SFPQ: variants seen among roughly 807,000 people sequenced by gnomAD.
SFPQ encodes the protein splicing factor, proline- and glutamine-rich.
A neutral mutation model predicts 72.9 loss-of-function variants in SFPQ; 11 were observed. The ratio of observed to expected loss-of-function variants is 0.15; its 90% CI spans 0.09 to 0.25. SFPQ has a LOEUF of 0.25. Among genes scored for constraint, SFPQ ranks in the 10% least tolerant of loss-of-function variants. The pLI is 1.00. For missense variants in SFPQ, 847 were observed against 993.3 expected, an observed-to-expected ratio of 0.85 and a Z score of 1.98; for synonymous variants, 506 against 367.3, an observed-to-expected ratio of 1.38 and a Z score of -4.32.
chr1:35,181,482 G>C (rs1180854609), downstream of SFPQ: 1 of 1,063,498 alleles, frequency 9.4e-7, no homozygotes, highest in African/African-American at 1.6e-5. Flanking sequence ...GAGTGGTGGG[G>C]TTTGTAGTAC....
In SFPQ at chr1:35,185,310, A is replaced by G. The variant is rs191809673; in HGVS notation, c.1987-717T>C. The stretch of plus-strand genomic sequence containing the variant: ...ACAATTACGTTCTCAGTACTATTCT[A>G]TATTGTTGCAAACTAAATGAACAAA... On this transcript the variant is annotated intron_variant, in intron 9 of 9. Transcript: ENST00000357214. Among the ~76,000 whole-genome samples the G allele has an allele frequency of 5.2e-4, 79 of 152,320 alleles. 3 individuals are homozygous for G. The highest frequency in any genetic ancestry group is 4.3e-3 in the Admixed American group (66 of 15,286).
At chr1:35,182,276 G>A, downstream of SFPQ, 1 of 985,146 alleles carries the variant, frequency 1.0e-6, no homozygotes, top group African/African-American at 1.7e-5. Flanking sequence ...AAACTGTAAT[G>A]GATTCCTTTC....
Position 35,183,988 on chromosome 1 carries a change from A to C in SFPQ, c.*468T>G. On this transcript the variant is annotated 3_prime_UTR_variant, in exon 10 of 10. Transcript: ENST00000357214. ...AGGGGGCAATTATTTGTAGAAAGCAATACTTAGCCTCCAGATGCATTTCCC... is the reference window on the plus strand; with the variant it reads ...AGGGGGCAATTATTTGTAGAAAGCACTACTTAGCCTCCAGATGCATTTCCC... 9.5e-7 allele frequency: 1 copy of C among 1,055,970 alleles called. No individual in the cohort carries two copies. Among genetic ancestry groups the C allele is most frequent in the Non-Finnish European group, 1.1e-6 (1 of 873,310 alleles). The allele number at this position is 1,055,970 out of a possible 1,614,324, so 65.4% of individuals were successfully genotyped here. A position where few individuals can be genotyped will look rare whatever the true frequency, so the allele number is the denominator to read the frequency against.
downstream of SFPQ, chr1:35,181,621 AG>A: frequency 9.4e-7 from 1 of 1,060,402 alleles, no homozygotes; most frequent in African/African-American, 1.6e-5. Context: ...AAAGATTAGG[AG>A]AAGTATAAAA....
Position 35,193,115 on chromosome 1 carries a change from T to G in SFPQ, c.-66A>C. 7 of 1,488,958 alleles carry G rather than the reference T, an allele frequency of 4.7e-6. No individual in the cohort carries two copies. The highest frequency in any genetic ancestry group is 6.2e-6 in the Non-Finnish European group (7 of 1,127,580). 92.2% of individuals were successfully genotyped at this position (1,488,958 alleles called of 1,614,324 possible). On this transcript the variant is annotated 5_prime_UTR_variant, in exon 1 of 10. Transcript: ENST00000357214. ...CGCTCAGGAAACGTGGAGGCCACCTTGCTTCTCACAAAATGGCGGATGACA... is the reference window on the plus strand; with the variant it reads ...CGCTCAGGAAACGTGGAGGCCACCTGGCTTCTCACAAAATGGCGGATGACA...
At position 35,192,578 on chromosome 1, in the gene SFPQ, T is replaced by G. The variant is rs1478458969; in HGVS notation, c.472A>C (p.Thr158Pro). Residue 158 changes from threonine (T) to proline (P), a missense_variant, in exon 1 of 10, where the codon ACC becomes CCC. Transcript: ENST00000357214. ...GGCGGCGCCCCGGGAGGGGCCGAGG[T>G]GACTGCAGGCGGCGGGGTCGGAGTC... Reference protein sequence around the residue: ...GPTPTPPPAVTSAPPGAPPPT... With the variant: ...GPTPTPPPAVPSAPPGAPPPT... 1 of 1,333,636 alleles carries G rather than the reference T, an allele frequency of 7.5e-7. No homozygotes were observed. Among genetic ancestry groups the G allele is most frequent in the South Asian group, 2.0e-5 (1 of 50,564 alleles). The allele number at this position is 1,333,636 out of a possible 1,614,324, so 82.6% of individuals were successfully genotyped here.
At chr1:35,180,999 T>C, downstream of SFPQ, 1 of 1,065,200 alleles carries the variant, frequency 9.4e-7, no homozygotes, top group South Asian at 4.6e-5. Context: ...CCACACAGTT[T>C]TGATGTAAGC....
rs1488400824 is a variant in SFPQ, at chr1:35,183,266, G to T, written c.*1190C>A. On this transcript the variant is annotated 3_prime_UTR_variant, in exon 10 of 10. Transcript: ENST00000357214. ...GACAGAGTCTCGCTCTGTTGTCCAGGCTGGAGTGCAGTGGCAGTCTCAGCT... is the reference window on the plus strand; with the variant it reads ...GACAGAGTCTCGCTCTGTTGTCCAGTCTGGAGTGCAGTGGCAGTCTCAGCT... 4.0e-6 allele frequency: 3 copies of T among 752,436 alleles called. No homozygotes were observed. Among genetic ancestry groups the T allele is most frequent in the Non-Finnish European group, 4.9e-6 (3 of 610,070 alleles). 46.6% of individuals were successfully genotyped at this position (752,436 alleles called of 1,614,324 possible).
At chr1:35,181,023 C>CAAGT, downstream of SFPQ, 17 of 1,065,052 alleles carry the variant, frequency 1.6e-5, no homozygotes, top group Non-Finnish European at 1.9e-5. Flanking sequence ...CTTTACCATA[C>CAAGT]AAGTGTTAGG....
chr1:35,179,852 A>G (rs971382219), downstream of SFPQ: 3 of 1,053,946 alleles, frequency 2.8e-6, no homozygotes, highest in Non-Finnish European at 3.4e-6. Context: ...GGCAGCAAGC[A>G]CTGGCCACCG....
intron 7 of SFPQ, 71 bp downstream of exon 7, chr1:35,187,902 C>G (rs1639802497): frequency 1.1e-6 from 1 of 888,410 alleles, no homozygotes; most frequent in East Asian, 2.4e-5. Context: ...TTAAAATTTC[C>G]TGTAATTCCT....
chr1:35,185,261 C>A (rs988644482), intron 9 of SFPQ, among the ~76,000 whole-genome samples: 1 of 152,190 alleles, frequency 6.6e-6, no homozygotes, highest in Non-Finnish European at 1.5e-5. Context: ...CACTACCTTC[C>A]GAGCCATCAC....
In SFPQ at chr1:35,192,852, G is replaced by A; in HGVS notation, c.198C>T (p.His66=). The A allele has an allele frequency of 6.5e-7, 1 of 1,534,442 alleles. No homozygotes were observed. The highest frequency in any genetic ancestry group is 2.5e-5 in the East Asian group (1 of 39,488). The change falls in exon 1 of 10, where the codon CAC becomes CAT. Residue 66 remains histidine, a synonymous_variant. Coordinates refer to ENST00000357214, the MANE Select transcript of SFPQ (RefSeq NM_005066.3). The part of the protein sequence containing the change: ...PKPPIPPPPP[H]QQQQQPPPQQ... Reference sequence around the variant, plus strand: ...GCGGTGGTGGCTGTTGCTGCTGTTGGTGTGGAGGCGGTGGCGGGATCGGAG... The same window carrying A: ...GCGGTGGTGGCTGTTGCTGCTGTTGATGTGGAGGCGGTGGCGGGATCGGAG...
chr1:35,186,932 A>C, intron 9 of SFPQ, 69 bp downstream of exon 9: 1 of 1,518,564 alleles, frequency 6.6e-7, no homozygotes, highest in Non-Finnish European at 8.9e-7. Flanking sequence ...ACAAAACAAA[A>C]CAAAACAAAC....
chr1:35,185,071 C>A (rs932883918), intron 9 of SFPQ, among the ~76,000 whole-genome samples: 6 of 152,132 alleles, frequency 3.9e-5, no homozygotes, highest in Non-Finnish European at 8.8e-5. Context: ...GCTTAAGAAA[C>A]CTTGTGCTTT....
chr1:35,177,990 T>G, downstream of SFPQ: 1 of 1,264,560 alleles, frequency 7.9e-7, no homozygotes, highest in Non-Finnish European at 1.0e-6. Flanking sequence ...GAAACTTACT[T>G]CATGTGAATG....
intron 7 of SFPQ, among the ~76,000 whole-genome samples, chr1:35,187,552 G>A (rs1037432732): frequency 6.6e-6 from 1 of 152,108 alleles, no homozygotes; most frequent in Non-Finnish European, 1.5e-5. Flanking sequence ...CCAACAAGGC[G>A]AAACGCCATT....
intron 2 of SFPQ, 40 bp from the exon 3 acceptor site, chr1:35,191,035 GGAT>G (rs755234102): frequency 1.3e-6 from 2 of 1,529,812 alleles, no homozygotes; most frequent in East Asian, 2.3e-5. Flanking sequence ...CCTCAAAATT[GGAT>G]GATGTCTACT....
At chr1:35,181,591 C>T (rs1462536723), downstream of SFPQ, 1 of 1,060,516 alleles carries the variant, frequency 9.4e-7, no homozygotes, top group Non-Finnish European at 1.1e-6. Flanking sequence ...ACACTGGGGT[C>T]TTAACAATAT....
Sources: allele counts gnomAD v4.1 joint callset (sites outside exome capture counted in the v4.1 genomes callset), GRCh38; gene constraint gnomAD v4.1.1; transcripts MANE v1.5; gene names NCBI Gene and HGNC (gene_info 2026-07-23, HGNC 2026-07-21).